ERBB4: variants seen among roughly 807,000 people sequenced by gnomAD.
The protein encoded by ERBB4 is receptor tyrosine-protein kinase erbB-4.
In ERBB4, 42 loss-of-function variants were observed where a neutral mutation model predicts 158.0. The observed-to-expected ratio is 0.27, with a 90% CI of 0.21 to 0.34. ERBB4 has a LOEUF of 0.34. Among genes scored for constraint, ERBB4 ranks in the 10% least tolerant of loss-of-function variants. The probability of loss-of-function intolerance (pLI) is 1.00; values close to 1 mark genes in which losing one functional copy is unlikely to be tolerated. For missense variants in ERBB4, 1,333 were observed against 1,624.1 expected, an observed-to-expected ratio of 0.82 and a Z score of 3.08; for synonymous variants, 583 against 558.7, an observed-to-expected ratio of 1.04 and a Z score of -0.61.
At chr2:211,809,546 C>A (rs1269398103) in intron 3 of ERBB4, among the ~76,000 whole-genome samples, 1 of 152,068 alleles carries the variant, frequency 6.6e-6, no homozygotes, top group Non-Finnish European at 1.5e-5. Flanking sequence ...TCCCCTTTAT[C>A]GTTTTTTATT....
intron 1 of ERBB4, among the ~76,000 whole-genome samples, chr2:212,515,759 C>T (rs536893026): frequency 1.6e-4 from 25 of 151,944 alleles, no homozygotes; most frequent in South Asian, 1.0e-3. Context: ...AGTAAATTTA[C>T]GCAAACTTTC....
chr2:211,757,372 T>G (rs1275050480), intron 4 of ERBB4, among the ~76,000 whole-genome samples: 2 of 152,182 alleles, frequency 1.3e-5, no homozygotes, highest in East Asian at 3.9e-4. Flanking sequence ...ATCGTTGGGA[T>G]TTTTCATCTT....
At chr2:211,721,182 C>T (rs184971096) in intron 7 of ERBB4, among the ~76,000 whole-genome samples, 18 of 152,246 alleles carry the variant, frequency 1.2e-4, no homozygotes, top group South Asian at 2.1e-4. Context: ...ACCTATCACA[C>T]GAAGTCAGGT....
chr2:211,527,605 G>C (rs1215448086), intron 20 of ERBB4, among the ~76,000 whole-genome samples: 3 of 151,914 alleles, frequency 2.0e-5, no homozygotes, highest in African/African-American at 7.2e-5. Flanking sequence ...TAAGTAGAAG[G>C]ACTAAAAGAT....
At chr2:211,547,918 T>G (rs1300805716) in intron 20 of ERBB4, among the ~76,000 whole-genome samples, 1 of 152,116 alleles carries the variant, frequency 6.6e-6, no homozygotes, top group African/African-American at 2.4e-5. Context: ...TTGCTCAGCA[T>G]GCCAAACAAA....
chr2:212,151,189 A>T (rs1404653439), intron 1 of ERBB4, among the ~76,000 whole-genome samples: 1 of 151,806 alleles, frequency 6.6e-6, no homozygotes, highest in Non-Finnish European at 1.5e-5. Flanking sequence ...AGTATAAAAC[A>T]TGTGATATTA....
intron 20 of ERBB4, among the ~76,000 whole-genome samples, chr2:211,545,945 A>C (rs2066929671): frequency 6.6e-6 from 1 of 151,934 alleles, no homozygotes. Flanking sequence ...GAAGGATAAA[A>C]TCCTTGACCG....
chr2:211,865,398 C>T lies in ERBB4; in HGVS notation c.422-77239G>A, dbSNP rs113704902. Among the ~76,000 whole-genome samples the T allele has an allele frequency of 2.4e-4, 37 of 152,042 alleles. 1 individual carries two copies. Among genetic ancestry groups the T allele is most frequent in the African/African-American group, 8.7e-4 (36 of 41,400 alleles). On this transcript the variant is annotated intron_variant, in intron 3 of 27. Coordinates refer to ENST00000342788, the MANE Select transcript of ERBB4 (RefSeq NM_005235.3). Reference sequence around the variant, plus strand: ...CAACTTATTTCTTGGAGCAGCTAGGCCTAAATGGATGTAGTCTATTTAAAA... The same window carrying T: ...CAACTTATTTCTTGGAGCAGCTAGGTCTAAATGGATGTAGTCTATTTAAAA...
intron 1 of ERBB4, among the ~76,000 whole-genome samples, chr2:212,353,014 T>C (rs1158101996): frequency 2.6e-5 from 4 of 152,098 alleles, no homozygotes; most frequent in African/African-American, 9.7e-5. Flanking sequence ...AAAATAACTG[T>C]TAAAAATCCT....
chr2:212,410,602 T>A (rs1314023017), intron 1 of ERBB4, among the ~76,000 whole-genome samples: 2 of 152,084 alleles, frequency 1.3e-5, no homozygotes, highest in Non-Finnish European at 2.9e-5. Context: ...CCTCTCATTT[T>A]CTCATCTAAG....
At chr2:211,790,595 TAGAAA>T (rs1312882989) in intron 3 of ERBB4, among the ~76,000 whole-genome samples, 1 of 152,044 alleles carries the variant, frequency 6.6e-6, no homozygotes, top group African/African-American at 2.4e-5. Flanking sequence ...AAAAGGGATT[TAGAAA>T]GGAGACAATA....
intron 1 of ERBB4, among the ~76,000 whole-genome samples, chr2:212,394,622 T>C (rs866006280): frequency 4.5e-4 from 69 of 152,254 alleles, no homozygotes; most frequent in East Asian, 5.8e-4. Context: ...TCACTACTTA[T>C]GTTAAATATT....
intron 17 of ERBB4, among the ~76,000 whole-genome samples, chr2:211,630,192 T>C (rs2070050828): frequency 6.6e-6 from 1 of 152,182 alleles, no homozygotes; most frequent in Non-Finnish European, 1.5e-5. Context: ...AGCTTGCTAA[T>C]GGGATCCTCC....
intron 1 of ERBB4, among the ~76,000 whole-genome samples, chr2:212,295,069 A>G (rs963846690): frequency 2.0e-5 from 3 of 152,138 alleles, no homozygotes; most frequent in Non-Finnish European, 2.9e-5. Flanking sequence ...CTGAAAAAAT[A>G]TTGCCAATTC....
At chr2:212,320,645 C>T (rs1010134408) in intron 1 of ERBB4, among the ~76,000 whole-genome samples, 5 of 149,604 alleles carry the variant, frequency 3.3e-5, no homozygotes, top group Admixed American at 6.7e-5. Flanking sequence ...ACCAAAAAGA[C>T]AAGCATTGGG....
intron 1 of ERBB4, among the ~76,000 whole-genome samples, chr2:212,127,219 C>T (rs1354924596): frequency 2.0e-5 from 3 of 152,162 alleles, no homozygotes; most frequent in African/African-American, 7.2e-5. Flanking sequence ...CAAACTTGTT[C>T]AACCTGAAGC....
chr2:211,450,779 T>C (rs1196688827), intron 20 of ERBB4, among the ~76,000 whole-genome samples: 1 of 152,124 alleles, frequency 6.6e-6, no homozygotes, highest in Non-Finnish European at 1.5e-5. Context: ...TCTAAACCCT[T>C]ACCCTGCTTT....
intron 25 of ERBB4, among the ~76,000 whole-genome samples, chr2:211,393,740 C>CGT (rs58472959): frequency 0.035 from 5,140 of 146,176 alleles, 88 homozygotes; most frequent in Admixed American, 0.047. Context: ...GAGTTAATAG[C>CGT]GTGTGTGTGT....
At chr2:212,003,191 A>C (rs866581249) in intron 2 of ERBB4, among the ~76,000 whole-genome samples, 5 of 74,190 alleles carry the variant, frequency 6.7e-5, no homozygotes, top group Admixed American at 3.0e-4. Flanking sequence ...GAAAGAAAGA[A>C]AGAAAGAAAG....
Sources: allele counts gnomAD v4.1 joint callset (sites outside exome capture counted in the v4.1 genomes callset), GRCh38; gene constraint gnomAD v4.1.1; transcripts MANE v1.5; gene names NCBI Gene and HGNC (gene_info 2026-07-23, HGNC 2026-07-21).